SCN8A: variants seen among roughly 807,000 people sequenced by gnomAD.
SCN8A encodes the protein sodium voltage-gated channel alpha subunit 8.
Under a neutral mutation model 184.1 loss-of-function variants are expected in SCN8A, and 30 were observed. That is an observed-to-expected ratio of 0.16 (90% CI 0.12 to 0.22). SCN8A has a LOEUF of 0.22. SCN8A is among the 10% of genes least tolerant of loss of function. The probability of loss-of-function intolerance (pLI) is 1.00; values close to 1 mark genes in which losing one functional copy is unlikely to be tolerated. For synonymous variants in SCN8A, 852 were observed against 907.0 expected, an observed-to-expected ratio of 0.94 and a Z score of 1.09; for missense variants, 1,057 against 2,498.9, an observed-to-expected ratio of 0.42 and a Z score of 12.30.
At chr12:51,657,680 C>T (rs1173903386) in intron 1 of SCN8A, among the ~76,000 whole-genome samples, 1 of 152,050 alleles carries the variant, frequency 6.6e-6, no homozygotes, top group Non-Finnish European at 1.5e-5. Flanking sequence ...CTTTTGAGGT[C>T]TTCTCCATAA....
intron 6 of SCN8A, 64 bp downstream of exon 6, chr12:51,689,160 T>A (rs1941467111): frequency 2.5e-6 from 3 of 1,204,162 alleles, no homozygotes; most frequent in Non-Finnish European, 3.6e-6. Flanking sequence ...ATTCGTTTTG[T>A]CCACCATTCT....
At chr12:51,732,917 C>T (rs1214591381) in intron 12 of SCN8A, among the ~76,000 whole-genome samples, 2 of 152,078 alleles carry the variant, frequency 1.3e-5, no homozygotes, top group Admixed American at 1.3e-4. Flanking sequence ...TTATGTCCTG[C>T]AACTTTACTG....
intron 1 of SCN8A, among the ~76,000 whole-genome samples, chr12:51,654,283 G>A (rs1940777517): frequency 6.6e-6 from 1 of 152,096 alleles, no homozygotes; most frequent in Non-Finnish European, 1.5e-5. Flanking sequence ...ATGTTATGAA[G>A]CTTTTCCTCT....
At chr12:51,752,161 G>T (rs1371249864) in intron 14 of SCN8A, among the ~76,000 whole-genome samples, 1 of 152,162 alleles carries the variant, frequency 6.6e-6, no homozygotes, top group African/African-American at 2.4e-5. Context: ...AGATTACAAA[G>T]TGTGTATTCT....
chr12:51,811,101 A>T lies in SCN8A; in HGVS notation c.*3672A>T, dbSNP rs1938879643. The T allele has an allele frequency of 6.6e-6, 1 of 152,206 alleles. No homozygotes were observed. Among genetic ancestry groups the T allele is most frequent in the Non-Finnish European group, 1.5e-5 (1 of 68,054 alleles). The allele number at this position is 152,206 out of a possible 1,614,324, so 9.4% of individuals were successfully genotyped here. A position where few individuals can be genotyped will look rare whatever the true frequency, so the allele number is the denominator to read the frequency against. ...AAATAAAAATGACCCTTTTTACTGTACAAGGGAAGCCTGTCTTGGTGTGTT... is the reference window on the plus strand; with the variant it reads ...AAATAAAAATGACCCTTTTTACTGTTCAAGGGAAGCCTGTCTTGGTGTGTT... On this transcript the variant is annotated 3_prime_UTR_variant, in exon 27 of 27. Coordinates refer to ENST00000627620, the MANE Select transcript of SCN8A (RefSeq NM_001330260.2).
At chr12:51,665,692 A>G (rs1395867285) in intron 2 of SCN8A, among the ~76,000 whole-genome samples, 4 of 152,236 alleles carry the variant, frequency 2.6e-5, no homozygotes, top group African/African-American at 9.6e-5. Flanking sequence ...GGGTCTTAGA[A>G]TTAAATTGAC....
In SCN8A at chr12:51,769,079, A is replaced by G. The variant is rs2138868512; in HGVS notation, c.3116A>G (p.Glu1039Gly). 7 of 1,613,938 alleles carry G rather than the reference A, an allele frequency of 4.3e-6. No individual in the cohort carries two copies. The highest frequency in any genetic ancestry group is 5.9e-6 in the Non-Finnish European group (7 of 1,179,856). Reference sequence around the variant, plus strand: ...GTGAAGCCTCTGGATGAGTTGTATGAAAAGAAGGCCAACTGTATCGCCAAT... The same window carrying G: ...GTGAAGCCTCTGGATGAGTTGTATGGAAAGAAGGCCAACTGTATCGCCAAT... ...DEVKPLDELY[E>G]KKANCIANHT... Residue 1039 changes from glutamate to glycine, a missense_variant, in exon 17 of 27, where the codon GAA (glutamate) becomes GGA (glycine). Physicochemically the swap from Glu to Gly is moderately conservative, Grantham distance 98. Transcript: ENST00000627620.
At chr12:51,628,644 T>A (rs1940131328) in intron 1 of SCN8A, among the ~76,000 whole-genome samples, 1 of 152,166 alleles carries the variant, frequency 6.6e-6, no homozygotes, top group Non-Finnish European at 1.5e-5. Flanking sequence ...TTATAGAGAC[T>A]GTTTCAAGTG....
At position 51,790,258 on chromosome 12, in the gene SCN8A, C is replaced by G. The variant is rs1054111355; in HGVS notation, c.4420-140C>G. On this transcript the variant is annotated intron_variant, in intron 24 of 26. Coordinates refer to ENST00000627620, the MANE Select transcript of SCN8A (RefSeq NM_001330260.2). ...TTAGAGCTGAATGATTATCGCGGGT[C>G]TACCCCACTCTGGGACAGCTATTAG... 13 of 556,194 alleles carry G rather than the reference C, an allele frequency of 2.3e-5. No homozygotes were observed. The African/African-American group carries it at 2.3e-4, about 10-fold the overall frequency. The allele number at this position is 556,194 out of a possible 1,614,324, so 34.5% of individuals were successfully genotyped here.
chr12:51,794,315 G>A (rs1194364653), intron 25 of SCN8A, 56 bp from the exon 26 acceptor site: 6 of 1,548,562 alleles, frequency 3.9e-6, no homozygotes, highest in Non-Finnish European at 5.2e-6. Context: ...GCTTCCATAG[G>A]TTGGCTTGGA....
chr12:51,645,382 G>T (rs1451907637), intron 1 of SCN8A, among the ~76,000 whole-genome samples: 2 of 151,836 alleles, frequency 1.3e-5, no homozygotes, highest in Non-Finnish European at 2.9e-5. Context: ...GAGGTGAGGG[G>T]CGCCTCTGCC....
chr12:51,772,990 G>GCA (rs1475493781), intron 19 of SCN8A, among the ~76,000 whole-genome samples: 217 of 152,198 alleles, frequency 1.4e-3, no homozygotes, highest in African/African-American at 5.1e-3. Context: ...GGTGGCATGT[G>GCA]CCTGTAGTCC....
intron 7 of SCN8A, 75 bp downstream of exon 7, chr12:51,699,866 G>C: frequency 1.5e-6 from 2 of 1,343,244 alleles, no homozygotes; most frequent in Non-Finnish European, 2.1e-6. Flanking sequence ...CTACCACAGG[G>C]CTTAAAAAAG....
At chr12:51,669,521 CTCTG>C (rs762755998) in intron 2 of SCN8A, among the ~76,000 whole-genome samples, 2 of 152,186 alleles carry the variant, frequency 1.3e-5, no homozygotes, top group Non-Finnish European at 2.9e-5. Flanking sequence ...TTGGAATGTA[CTCTG>C]TCTTTTAGTT....
At chr12:51,713,017 T>A (rs1941906449) in intron 11 of SCN8A, 1 of 1,569,708 alleles carries the variant, frequency 6.4e-7, no homozygotes, top group Non-Finnish European at 8.8e-7. Flanking sequence ...CTTTTTCACT[T>A]CACAATTATG....
At chr12:51,756,834 AG>A (rs997605488) in intron 14 of SCN8A, among the ~76,000 whole-genome samples, 4 of 152,240 alleles carry the variant, frequency 2.6e-5, no homozygotes, top group Non-Finnish European at 5.9e-5. Flanking sequence ...TTCAGGAGGA[AG>A]GGGATGGAAA....
chr12:51,654,852 T>G (rs540824641), intron 1 of SCN8A, among the ~76,000 whole-genome samples: 2 of 152,160 alleles, frequency 1.3e-5, no homozygotes, highest in South Asian at 2.1e-4. Context: ...TTTTATTTGA[T>G]CTTCCTTCCA....
intron 9 of SCN8A, among the ~76,000 whole-genome samples, chr12:51,704,433 G>C (rs541923428): frequency 6.6e-6 from 1 of 151,876 alleles, no homozygotes; most frequent in Non-Finnish European, 1.5e-5. Flanking sequence ...GCTTTGGGAG[G>C]CCGAGGCAGG....
intron 1 of SCN8A, among the ~76,000 whole-genome samples, chr12:51,658,140 A>G (rs963862039): frequency 1.3e-5 from 2 of 151,984 alleles, no homozygotes; most frequent in African/African-American, 4.8e-5. Flanking sequence ...TGTTTTTTCT[A>G]TTTCTGTGAA....
Sources: allele counts gnomAD v4.1 joint callset (sites outside exome capture counted in the v4.1 genomes callset), GRCh38; gene constraint gnomAD v4.1.1; transcripts MANE v1.5; gene names NCBI Gene and HGNC (gene_info 2026-07-23, HGNC 2026-07-21).